Variants in PCDH11X observed in about 807,000 individuals in gnomAD.
PCDH11X encodes protocadherin 11 X-linked, also known as protocadherin-11 X-linked.
In PCDH11X, 18 loss-of-function variants were observed where a neutral mutation model predicts 53.3. The observed-to-expected ratio is 0.34, with a 90% CI of 0.23 to 0.50. The LOEUF is 0.50. PCDH11X is among the 20% of genes least tolerant of loss of function. The probability of loss-of-function intolerance (pLI) is 0.98; values close to 1 mark genes in which losing one functional copy is unlikely to be tolerated. For missense variants in PCDH11X, 570 were observed against 1,032.4 expected (o/e 0.55, Z 6.14); for synonymous variants, 279 against 393.3 (o/e 0.71, Z 3.44).
chrX:92,406,622 T>C (rs2071523060), intron 9 of PCDH11X, among the ~76,000 whole-genome samples: 1 of 95,891 alleles, frequency 1.0e-5, no homozygotes, highest in Non-Finnish European at 2.0e-5. Context: ...TCACCCTTTA[T>C]TATTAAAAAT....
Position 92,098,636 on chromosome X carries a change from C to CTTT in PCDH11X, c.3034-102715_3034-102713dup, listed in dbSNP as rs34306564. 4.1e-3 allele frequency among the ~76,000 whole-genome samples: 178 copies of CTTT among 43,906 alleles called. 14 individuals carry two copies. The highest frequency in any genetic ancestry group is 0.014 in the African/African-American group (147 of 10,315). The allele number at this position is 43,906 out of a possible 115,157, so 38.1% of individuals were successfully genotyped here. On this transcript the variant is annotated intron_variant, in intron 6 of 10. Transcript: ENST00000682573. ...CTTGTCCAGTGAAGCTCCAAATGCT[C>CTTT]TTTTTTTTTTTTTTTTTTTTTTTTT...
At chrX:92,557,655 G>GCC (rs2075067167) in intron 10 of PCDH11X, among the ~76,000 whole-genome samples, 4 of 108,376 alleles carry the variant, frequency 3.7e-5, no homozygotes, top group Non-Finnish European at 7.7e-5. Flanking sequence ...CTCTATGAAG[G>GCC]TCCAAACTTT....
chrX:92,594,797 A>G (rs1277007584), intron 10 of PCDH11X, among the ~76,000 whole-genome samples: 1 of 107,765 alleles, frequency 9.3e-6, no homozygotes, highest in African/African-American at 3.4e-5. Flanking sequence ...TGAATTAATG[A>G]AAAACCAAAA....
At chrX:92,597,056 C>A (rs1050570945) in intron 10 of PCDH11X, among the ~76,000 whole-genome samples, 2 of 111,238 alleles carry the variant, frequency 1.8e-5, no homozygotes, top group Non-Finnish European at 3.8e-5. Context: ...ATATGACAGA[C>A]CCACAGCTAG....
chrX:92,346,141 C>T (rs1222124098), intron 8 of PCDH11X, among the ~76,000 whole-genome samples: 1 of 110,769 alleles, frequency 9.0e-6, no homozygotes, highest in East Asian at 2.8e-4. Context: ...ATGAATTCAT[C>T]AACTCATATG....
Position 92,174,432 on chromosome X carries a change from C to T in PCDH11X, c.3034-26943C>T, listed in dbSNP as rs756340867. On this transcript the variant is annotated intron_variant, in intron 6 of 10. Coordinates refer to ENST00000682573, the MANE Select transcript of PCDH11X (RefSeq NM_032968.5). ...CTAATGATGCTGATCATAATGTTAA[C>T]GGGAAAACAGGGTGACTGAGTACTG... Among the ~76,000 whole-genome samples, 287 of 110,982 alleles carry T rather than the reference C, an allele frequency of 2.6e-3. 1 individual carries two copies. Among genetic ancestry groups the T allele is most frequent in the African/African-American group, 8.6e-3 (264 of 30,555 alleles).
intron 9 of PCDH11X, among the ~76,000 whole-genome samples, chrX:92,411,611 TC>T (rs1162786698): frequency 4.5e-5 from 5 of 109,940 alleles, no homozygotes; most frequent in African/African-American, 1.7e-4. Flanking sequence ...ATGAACTCAT[TC>T]TTTTTTTTAT....
Position 91,909,961 on chromosome X carries a change from C to T in PCDH11X, c.3033+30688C>T, listed in dbSNP as rs183747002. Among the ~76,000 whole-genome samples, 11 of 111,390 alleles carry T rather than the reference C, an allele frequency of 9.9e-5. No homozygotes were observed. The East Asian group carries it at 3.1e-3, about 32-fold the overall frequency. On this transcript the variant is annotated intron_variant, in intron 6 of 10. Transcript: ENST00000682573. ...ACTCTCTTAACAAATTTCAAGTACG[C>T]AATACAGTATGATTAACTATAGTCA...
chrX:91,827,136 CT>C (rs1374788473), intron 4 of PCDH11X, among the ~76,000 whole-genome samples: 1 of 111,533 alleles, frequency 9.0e-6, no homozygotes, highest in Non-Finnish European at 1.9e-5. Flanking sequence ...TTATTTTTGA[CT>C]TGTTAATAGT....
At chrX:92,234,040 T>C (rs2148374591) in intron 7 of PCDH11X, among the ~76,000 whole-genome samples, 1 of 112,138 alleles carries the variant, frequency 8.9e-6, no homozygotes, top group East Asian at 2.8e-4. Context: ...ATGTCATAAA[T>C]GAGCCAAGAC....
Position 92,623,188 on chromosome X carries a change from G to A in PCDH11X, c.*4248G>A, listed in dbSNP as rs1391787507. ...TTCTATTTCAGGTTCTGTATTGCAT[G>A]TTTTCTTATTAATATATATTAATAA... On this transcript the variant is annotated 3_prime_UTR_variant, in exon 11 of 11. Transcript: ENST00000682573. 2.7e-5 allele frequency: 3 copies of A among 109,996 alleles called. No homozygotes were observed. The highest frequency in any genetic ancestry group is 5.7e-5 in the Non-Finnish European group (3 of 52,502). 9.1% of individuals were successfully genotyped at this position (109,996 alleles called of 1,213,427 possible).
intron 7 of PCDH11X, among the ~76,000 whole-genome samples, chrX:92,250,671 A>G (rs1044586708): frequency 3.7e-5 from 4 of 107,503 alleles, no homozygotes; most frequent in Non-Finnish European, 7.7e-5. Flanking sequence ...GGCCATAAAA[A>G]AGGAATGAAT....
chrX:92,588,412 G>GTGTGTGTA (rs1301506198), intron 10 of PCDH11X, among the ~76,000 whole-genome samples: 1 of 103,977 alleles, frequency 9.6e-6, no homozygotes, highest in Non-Finnish European at 1.9e-5. Context: ...ATATATGTTT[G>GTGTGTGTA]TGTGTGTATA....
intron 5 of PCDH11X, among the ~76,000 whole-genome samples, chrX:91,846,461 C>CA (rs770325469): frequency 3.7e-5 from 4 of 109,222 alleles, no homozygotes; most frequent in East Asian, 5.8e-4. Flanking sequence ...ACTAAAAATA[C>CA]AAAAAAATTA....
chrX:91,844,969 A>C (rs968099722), intron 5 of PCDH11X, among the ~76,000 whole-genome samples: 2 of 111,380 alleles, frequency 1.8e-5, no homozygotes, highest in Non-Finnish European at 3.8e-5. Context: ...TACGGTCTGG[A>C]TGCATGAATT....
intron 6 of PCDH11X, among the ~76,000 whole-genome samples, chrX:92,076,506 A>T (rs2063775175): frequency 9.1e-6 from 1 of 109,751 alleles, no homozygotes; most frequent in Non-Finnish European, 1.9e-5. Context: ...TCAAACTTTG[A>T]TGCTCACAAT....
rs776911539 is a variant in PCDH11X at position 91,879,798 on chromosome X, G to A, written c.3033+525G>A. 1,885 of 740,607 alleles carry A rather than the reference G, an allele frequency of 2.5e-3. 35 individuals carry two copies. The African/African-American group carries it at 0.042, about 17-fold the overall frequency. 61.0% of individuals were successfully genotyped at this position (740,607 alleles called of 1,213,427 possible). On this transcript the variant is annotated intron_variant, in intron 6 of 10. Transcript: ENST00000682573. Reference sequence around the variant, plus strand: ...TCAGGTCCTCATAAAGAAAAGTGTCGTTTTCAGATTAGGAACTCAAAATTA... The same window carrying A: ...TCAGGTCCTCATAAAGAAAAGTGTCATTTTCAGATTAGGAACTCAAAATTA...
At chrX:92,148,084 TTC>T (rs1464570343) in intron 6 of PCDH11X, among the ~76,000 whole-genome samples, 2 of 16,435 alleles carry the variant, frequency 1.2e-4, no homozygotes, top group African/African-American at 2.5e-4. Flanking sequence ...CTTTCTTTCT[TTC>T]TTTCTTTCTT....
intron 6 of PCDH11X, among the ~76,000 whole-genome samples, chrX:91,990,368 A>G (rs1197141142): frequency 3.0e-5 from 3 of 100,380 alleles, no homozygotes; most frequent in Non-Finnish European, 2.0e-5. Context: ...ATTTGTTTCA[A>G]TGTGTTTGTG....
Sources: allele counts gnomAD v4.1 joint callset (sites outside exome capture counted in the v4.1 genomes callset), GRCh38; gene constraint gnomAD v4.1.1; transcripts MANE v1.5; gene names NCBI Gene and HGNC (gene_info 2026-07-23, HGNC 2026-07-21).